VRK1: variants seen among roughly 807,000 people sequenced by gnomAD.
VRK1 encodes VRK serine/threonine kinase 1, also known as serine/threonine-protein kinase VRK1.
VRK1 carries 33 observed loss-of-function variants against 57.1 expected under a neutral mutation model. That is an observed-to-expected ratio of 0.58 (90% CI 0.44 to 0.77). The LOEUF (loss-of-function observed/expected upper bound fraction) is 0.77. Among genes scored for constraint, VRK1 ranks in the 30% least tolerant of loss-of-function variants. VRK1 has a pLI of 0.00. For missense variants in VRK1, 413 were observed against 477.3 expected, an observed-to-expected ratio of 0.87 and a Z score of 1.25; for synonymous variants, 137 against 147.8, an observed-to-expected ratio of 0.93 and a Z score of 0.53.
intron 1 of VRK1, among the ~76,000 whole-genome samples, chr14:96,812,534 A>G (rs1031316922): frequency 6.6e-6 from 1 of 152,114 alleles, no homozygotes; most frequent in African/African-American, 2.4e-5. Flanking sequence ...CTTGTTGGCC[A>G]TTTGTTTATC....
chr14:96,846,042 A>G, intron 3 of VRK1, 53 bp from the exon 4 acceptor site: 3 of 1,480,526 alleles, frequency 2.0e-6, no homozygotes, highest in South Asian at 1.1e-5. Flanking sequence ...TTCATTGAAA[A>G]TATCTCAGTA....
intron 11 of VRK1, among the ~76,000 whole-genome samples, chr14:96,871,828 T>C (rs573119767): frequency 2.0e-5 from 3 of 152,176 alleles, no homozygotes; most frequent in Non-Finnish European, 4.4e-5. Flanking sequence ...TTTTTATTTT[T>C]ATTTTTTTTT....
Position 96,813,880 on chromosome 14 carries a change from G to A in VRK1, c.-6+16433G>A, listed in dbSNP as rs144626310. 2.5e-3 allele frequency among the ~76,000 whole-genome samples: 383 copies of A among 152,186 alleles called. 3 individuals are homozygous for A. Among genetic ancestry groups the A allele is most frequent in the African/African-American group, 8.4e-3 (349 of 41,510 alleles). On this transcript the variant is annotated intron_variant, in intron 1 of 12. Coordinates refer to ENST00000216639, the MANE Select transcript of VRK1 (RefSeq NM_003384.3). ...CTTGCAACTTACTGGTTGTAAGGCC[G>A]TGGACAAATTATTTAATTTCACTTA...
intron 1 of VRK1, among the ~76,000 whole-genome samples, chr14:96,804,253 C>G (rs972391633): frequency 6.6e-6 from 1 of 152,070 alleles, no homozygotes; most frequent in Non-Finnish European, 1.5e-5. Context: ...TCCAGTTGTT[C>G]CAAAACCATT....
intron 2 of VRK1, among the ~76,000 whole-genome samples, chr14:96,834,646 C>T (rs1171420125): frequency 6.6e-6 from 1 of 152,176 alleles, no homozygotes; most frequent in Admixed American, 6.6e-5. Context: ...TGAAACATAG[C>T]TTGAAATCTA....
chr14:96,867,126 A>G (rs761608867), intron 11 of VRK1, among the ~76,000 whole-genome samples: 5 of 152,076 alleles, frequency 3.3e-5, no homozygotes, highest in Non-Finnish European at 7.4e-5. Flanking sequence ...AGAGTTAATC[A>G]TGAGTCTAAC....
intron 1 of VRK1, among the ~76,000 whole-genome samples, chr14:96,819,867 G>A (rs983706312): frequency 2.0e-5 from 3 of 152,172 alleles, no homozygotes; most frequent in Admixed American, 6.5e-5. Flanking sequence ...GTTGTGCGAC[G>A]TGCAGTCGGG....
chr14:96,865,129 A>G (rs1422715487), intron 11 of VRK1, among the ~76,000 whole-genome samples: 1 of 151,792 alleles, frequency 6.6e-6, no homozygotes. Context: ...TTTATATTCT[A>G]TTTGGGAATA....
At chr14:96,843,601 C>G (rs1032938059) in intron 3 of VRK1, among the ~76,000 whole-genome samples, 2 of 152,060 alleles carry the variant, frequency 1.3e-5, no homozygotes, top group Non-Finnish European at 2.9e-5. Context: ...CTGTTGTCAT[C>G]TTCATTTTGA....
intron 11 of VRK1, among the ~76,000 whole-genome samples, chr14:96,862,582 A>G (rs968120303): frequency 2.0e-5 from 3 of 151,076 alleles, no homozygotes; most frequent in African/African-American, 7.3e-5. Context: ...TTTAAACTGC[A>G]GAACATTTTC....
chr14:96,856,877 A>G (rs899039902), intron 10 of VRK1, among the ~76,000 whole-genome samples: 1 of 152,158 alleles, frequency 6.6e-6, no homozygotes, highest in Non-Finnish European at 1.5e-5. Flanking sequence ...CTGAGGCAGG[A>G]GAATCGCTTG....
intron 5 of VRK1, among the ~76,000 whole-genome samples, chr14:96,850,485 T>C (rs1278972422): frequency 6.6e-6 from 1 of 152,226 alleles, no homozygotes; most frequent in Non-Finnish European, 1.5e-5. Flanking sequence ...AAGAATGTGG[T>C]AATGGTTTCT....
intron 11 of VRK1, among the ~76,000 whole-genome samples, chr14:96,869,684 C>CT (rs1353364356): frequency 1.3e-5 from 2 of 151,990 alleles, no homozygotes; most frequent in Non-Finnish European, 1.5e-5. Flanking sequence ...GTAGTTATCC[C>CT]TTTTTTCTCT....
intron 1 of VRK1, among the ~76,000 whole-genome samples, chr14:96,817,086 G>T (rs1475995317): frequency 1.3e-5 from 2 of 152,170 alleles, no homozygotes; most frequent in African/African-American, 4.8e-5. Flanking sequence ...AAACAAATTG[G>T]CCATGTGTTG....
intron 10 of VRK1, chr14:96,858,933 G>C (rs927570692): frequency 6.6e-6 from 1 of 152,164 alleles, no homozygotes; most frequent in African/African-American, 2.4e-5. Context: ...CCACCTCCAA[G>C]TTTGCTGGAA....
intron 1 of VRK1, among the ~76,000 whole-genome samples, chr14:96,803,357 GAC>G (rs1296030848): frequency 6.6e-6 from 1 of 151,952 alleles, no homozygotes; most frequent in Admixed American, 6.6e-5. Flanking sequence ...TTTAAGTAGA[GAC>G]AGGGTTTCAC....
rs146540339 is a variant in VRK1, at chr14:96,839,260, G to T, written c.216+1443G>T. Among the ~76,000 whole-genome samples the T allele has an allele frequency of 5.9e-5, 9 of 152,058 alleles. No individual in the cohort carries two copies. The South Asian group carries it at 6.2e-4, about 10-fold the overall frequency. On this transcript the variant is annotated intron_variant, in intron 3 of 12. Coordinates refer to ENST00000216639, the MANE Select transcript of VRK1 (RefSeq NM_003384.3). ...GTTTCATTTTATTGCTCTCTTGATAGACATTGAGGTTGTTTCCAGTTTTTG... is the reference window on the plus strand; with the variant it reads ...GTTTCATTTTATTGCTCTCTTGATATACATTGAGGTTGTTTCCAGTTTTTG...
intron 11 of VRK1, among the ~76,000 whole-genome samples, chr14:96,872,588 G>C (rs566971859): frequency 6.6e-6 from 1 of 152,158 alleles, no homozygotes; most frequent in African/African-American, 2.4e-5. Context: ...ATAGGAGACC[G>C]CATAGTGCTG....
At chr14:96,804,045 C>T (rs1279727890) in intron 1 of VRK1, among the ~76,000 whole-genome samples, 2 of 152,184 alleles carry the variant, frequency 1.3e-5, no homozygotes, top group Admixed American at 1.3e-4. Flanking sequence ...TCCAACTTCT[C>T]AATATATGGA....
Sources: gnomAD v4.1 joint callset for allele counts (sites outside exome capture counted in the v4.1 genomes callset) on GRCh38, gnomAD v4.1.1 for gene constraint, MANE v1.5 for transcripts, NCBI Gene and HGNC (gene_info 2026-07-23, HGNC 2026-07-21) for gene names.